Variants in RBSN observed in about 807,000 individuals in gnomAD.
RBSN encodes rabenosyn, RAB effector.
A neutral mutation model predicts 60.5 loss-of-function variants in RBSN; 34 were observed. The observed-to-expected ratio is 0.56, with a 90% confidence interval of 0.43 to 0.75. The LOEUF is 0.75. Among genes scored for constraint, RBSN ranks in the 30% least tolerant of loss-of-function variants. The pLI is 0.00. For missense variants in RBSN, 845 were observed against 986.8 expected, an observed-to-expected ratio of 0.86 and a Z score of 1.92; for synonymous variants, 322 against 366.9, an observed-to-expected ratio of 0.88 and a Z score of 1.40.
In RBSN at chr3:15,085,847, A is replaced by T. The variant is rs749960212; in HGVS notation, c.390+14T>A. The T allele has an allele frequency of 2.5e-6, 4 of 1,602,996 alleles. No individual in the cohort carries two copies. In the Admixed American group the frequency reaches 6.8e-5, roughly 27 times the overall value. On this transcript the variant is annotated intron_variant, in intron 6 of 13. Coordinates refer to ENST00000253699, the MANE Select transcript of RBSN (RefSeq NM_022340.4). Reference sequence around the variant, plus strand: ...TATTTGTAGAAAAAAATGTTTTAAGACAACAAAATTTACCTTCTCTAACCT... The same window carrying T: ...TATTTGTAGAAAAAAATGTTTTAAGTCAACAAAATTTACCTTCTCTAACCT...
In RBSN at chr3:15,074,407, G is replaced by T. The variant is rs747605722; in HGVS notation, c.1730C>A (p.Ser577Tyr). The change falls in exon 14 of 14, where the codon TCT becomes TAT. Residue 577 changes from serine (S) to tyrosine (Y), a missense_variant. By Grantham distance (144) the Ser-to-Tyr change is moderately radical (BLOSUM62 -2). Transcript: ENST00000253699. This position sits in a 1 kb window ranked among gnomAD's most constrained non-coding sequence, Gnocchi z 6.4. ...AGCTGTGCTGCTTGGAACTGGGGAA[G>T]AGCCTAGATCCAAAGCATAAGCAAG... ...THLAYALDLG[S>Y]SPVPSSTAPK... 18 of 1,614,036 alleles carry T rather than the reference G, an allele frequency of 1.1e-5. No homozygotes were observed. The highest frequency in any genetic ancestry group is 1.3e-5 in the Non-Finnish European group (15 of 1,180,020).
At chr3:15,089,479 A>AC (rs1553595703) in intron 5 of RBSN, among the ~76,000 whole-genome samples, 25 of 104,006 alleles carry the variant, frequency 2.4e-4, no homozygotes, top group African/African-American at 1.5e-3. Context: ...AAAAAAAAAC[A>AC]AAAAAAAAAA....
chr3:15,082,563 C>G lies in RBSN; in HGVS notation c.644G>C (p.Ser215Thr), dbSNP rs1575094810. The G allele has an allele frequency of 6.2e-7, 1 of 1,614,158 alleles. No individual in the cohort carries two copies. Among genetic ancestry groups the G allele is most frequent in the South Asian group, 1.1e-5 (1 of 91,086 alleles). Reference sequence around the variant, plus strand: ...GACACTGTTGGGTGACTGGCTGGGGCTGGTGTGGGTGCTCAGGGACTCCTT... The same window carrying G: ...GACACTGTTGGGTGACTGGCTGGGGGTGGTGTGGGTGCTCAGGGACTCCTT... ...ASKESLSTHT[S>T]PSQSPNSVHG... Residue 215 changes from serine (S) to threonine (T), a missense_variant, in exon 9 of 14, where the codon AGC (serine) becomes ACC (threonine). Ser to Thr is a moderately conservative substitution (Grantham distance 58, BLOSUM62 1). Coordinates refer to ENST00000253699, the MANE Select transcript of RBSN (RefSeq NM_022340.4). This position sits in a 1 kb window ranked among gnomAD's most constrained non-coding sequence, Gnocchi z 4.2.
chr3:15,077,943 T>C lies in RBSN; in HGVS notation c.998+132A>G, dbSNP rs2043094487. 2.7e-6 allele frequency: 2 copies of C among 746,778 alleles called. No individual in the cohort carries two copies. The highest frequency in any genetic ancestry group is 3.3e-5 in the South Asian group (2 of 60,120). The allele number at this position is 746,778 out of a possible 1,614,324, so 46.3% of individuals were successfully genotyped here. On this transcript the variant is annotated intron_variant, in intron 11 of 13. Coordinates refer to ENST00000253699, the MANE Select transcript of RBSN (RefSeq NM_022340.4). This position sits in a 1 kb window ranked among gnomAD's most constrained non-coding sequence, Gnocchi z 4.4. The stretch of plus-strand genomic sequence containing the variant: ...GCATTAAGTGCCAGAGCTGGCCCCT[T>C]CCTTGCCCTCCTCCTCACCCACTGC...
Position 15,077,158 on chromosome 3 carries a change from C to A in RBSN, c.1005G>T (p.Lys335Asn). 1.2e-6 allele frequency: 2 copies of A among 1,613,786 alleles called. No individual in the cohort carries two copies. The highest frequency in any genetic ancestry group is 1.7e-6 in the Non-Finnish European group (2 of 1,179,772). ...VYELIDALSK[K>N]ILTLGLNQDP... ...CCTGGTTCAAGCCCAAGGTTAAGAT[C>A]TTCTTACTGAATTGGAACAAACACA... Residue 335 changes from lysine (K) to asparagine (N), a missense_variant, in exon 12 of 14, where the codon AAG (lysine) becomes AAT (asparagine). Lys to Asn is a moderately conservative substitution (Grantham distance 94). Coordinates refer to ENST00000253699, the MANE Select transcript of RBSN (RefSeq NM_022340.4). The surrounding 1 kb of genome is among the most constrained non-coding windows in gnomAD (Gnocchi z 4.4).
At chr3:15,098,708 A>G (rs2043741437) in intron 1 of RBSN, among the ~76,000 whole-genome samples, 1 of 152,058 alleles carries the variant, frequency 6.6e-6, no homozygotes, top group African/African-American at 2.4e-5. Flanking sequence ...CACCACACAA[A>G]ACACTCCGAA....
Position 15,074,047 on chromosome 3 carries a change from G to A in RBSN, c.2090C>T (p.Pro697Leu). The change falls in exon 14 of 14, where the codon CCC becomes CTC. Residue 697 changes from proline to leucine, a missense_variant. Transcript: ENST00000253699. This position sits in a 1 kb window ranked among gnomAD's most constrained non-coding sequence, Gnocchi z 6.4. Reference protein sequence around the residue: ...PNPFSEEDEHPQQRLSSPLVP... With the variant: ...PNPFSEEDEHLQQRLSSPLVP... ...CAGAGGGCTTGAGAGCCTCTGCTGG[G>A]GATGTTCGTCTTCCTCACTGAAGGG... 2 of 1,614,090 alleles carry A rather than the reference G, an allele frequency of 1.2e-6. No individual in the cohort carries two copies. The highest frequency in any genetic ancestry group is 2.2e-5 in the East Asian group (1 of 44,880).
Position 15,073,910 on chromosome 3 carries a change from T to G in RBSN, c.2227A>C (p.Ile743Leu). Residue 743 changes from isoleucine (I) to leucine (L), a missense_variant, in exon 14 of 14, where the codon ATC (isoleucine) becomes CTC (leucine). Ile to Leu is a conservative substitution (Grantham distance 5). Transcript: ENST00000253699. ...PIEEELLLQQ[I>L]DNIKAYIFDA... ...AAGATGTATGCCTTGATGTTATCGA[T>G]CTGCTGCAGGAGGAGCTCTTCCTCT... 1 of 1,614,054 alleles carries G rather than the reference T, an allele frequency of 6.2e-7. No individual in the cohort carries two copies. The highest frequency in any genetic ancestry group is 8.5e-7 in the Non-Finnish European group (1 of 1,180,006).
At chr3:15,093,331 T>G (rs1157051884) in intron 4 of RBSN, among the ~76,000 whole-genome samples, 3 of 152,180 alleles carry the variant, frequency 2.0e-5, no homozygotes, top group African/African-American at 7.2e-5. Flanking sequence ...CCTTTCTAAC[T>G]AAAGACATGA....
At chr3:15,091,567 T>C (rs1484053023) in intron 4 of RBSN, 3 of 1,187,654 alleles carry the variant, frequency 2.5e-6, no homozygotes, top group South Asian at 1.3e-5. Context: ...AGCCATCGTA[T>C]GTACCAGGTA....
chr3:15,095,651 T>A (rs2043636476), intron 4 of RBSN: 1 of 475,264 alleles, frequency 2.1e-6, no homozygotes, highest in Non-Finnish European at 3.7e-6. Context: ...GGCTGGTGGT[T>A]AAAGAACAGT....
Position 15,082,423 on chromosome 3 carries a change from T to C in RBSN, c.784A>G (p.Arg262Gly), listed in dbSNP as rs1224055944. Residue 262 changes from arginine (R) to glycine (G), a missense_variant, in exon 9 of 14, where the codon AGA (arginine) becomes GGA (glycine). Coordinates refer to ENST00000253699, the MANE Select transcript of RBSN (RefSeq NM_022340.4). This position sits in a 1 kb window ranked among gnomAD's most constrained non-coding sequence, Gnocchi z 4.2. ...TCCTTCTCATCAATCTGCTGCTCTC[T>C]CTTGAGCAGCGTGTCCTTGCAGTGT... ...CTHCKDTLLK[R>G]EQQIDEKEHT... is the part of the protein sequence containing the mutation. 2 of 1,613,942 alleles carry C rather than the reference T, an allele frequency of 1.2e-6. No individual in the cohort carries two copies. The highest frequency in any genetic ancestry group is 1.7e-6 in the Non-Finnish European group (2 of 1,179,950).
chr3:15,078,262 A>C, intron 10 of RBSN, 101 bp from the exon 11 acceptor site: 4 of 932,238 alleles, frequency 4.3e-6, no homozygotes, highest in Non-Finnish European at 5.2e-6. Flanking sequence ...AAAGGCAGTT[A>C]ATTCTCTAAA....
Position 15,077,084 on chromosome 3 carries a change from T to C in RBSN, c.1079A>G (p.Tyr360Cys). ...SNLRLQRMIR[Y>C]SATLFVQEKL... Reference sequence around the variant, plus strand: ...TACCTGCACAAAAAGTGTAGCTGAGTATCTGATCATTCTCTGCAGCCGCAA... The same window carrying C: ...TACCTGCACAAAAAGTGTAGCTGAGCATCTGATCATTCTCTGCAGCCGCAA... The change falls in exon 12 of 14, where the codon TAC becomes TGC. Residue 360 changes from tyrosine (Y) to cysteine (C), a missense_variant. Transcript: ENST00000253699. This position sits in a 1 kb window ranked among gnomAD's most constrained non-coding sequence, Gnocchi z 4.4. 6.2e-7 allele frequency: 1 copy of C among 1,614,122 alleles called. No individual in the cohort carries two copies. The highest frequency in any genetic ancestry group is 1.1e-5 in the South Asian group (1 of 91,078).
rs1265345681 is a variant in RBSN at position 15,098,217 on chromosome 3, A to C, written c.-443T>G. The C allele has an allele frequency of 6.6e-6, 1 of 152,156 alleles. No homozygotes were observed. The highest frequency in any genetic ancestry group is 2.4e-5 in the African/African-American group (1 of 41,404). 9.4% of individuals were successfully genotyped at this position (152,156 alleles called of 1,614,324 possible). ...ACCAAGTAAGACTGTAAAATCTGGGAGGGCACAGACTCTATATGTTTTCCA... is the reference window on the plus strand; with the variant it reads ...ACCAAGTAAGACTGTAAAATCTGGGCGGGCACAGACTCTATATGTTTTCCA... On this transcript the variant is annotated 5_prime_UTR_variant, in exon 2 of 14. Transcript: ENST00000253699.
chr3:15,081,547 T>C (rs1224518217), intron 9 of RBSN: 2 of 152,306 alleles, frequency 1.3e-5, no homozygotes, highest in African/African-American at 2.4e-5. Context: ...TGGGGCTTAA[T>C]TGACACCATT....
At chr3:15,095,823 C>A in intron 4 of RBSN, 150 bp downstream of exon 4, 1 of 998,482 alleles carries the variant, frequency 1.0e-6, no homozygotes, top group Non-Finnish European at 1.5e-6. Context: ...CAGGGAAACT[C>A]TGAAAACGCC....
Position 15,072,500 on chromosome 3 carries a change from CTG to C in RBSN, c.*1280_*1281del, listed in dbSNP as rs1422917463. ...AATTATTTTAATTTAGCTTCTGACT[CTG>C]GGAAGCTTCCCTTCTTCTGGTGATG... On this transcript the variant is annotated 3_prime_UTR_variant, in exon 14 of 14. Coordinates refer to ENST00000253699, the MANE Select transcript of RBSN (RefSeq NM_022340.4). 3 of 152,246 alleles carry C rather than the reference CTG, an allele frequency of 2.0e-5. No individual in the cohort carries two copies. Among genetic ancestry groups the C allele is most frequent in the African/African-American group, 7.2e-5 (3 of 41,464 alleles). 9.4% of individuals were successfully genotyped at this position (152,246 alleles called of 1,614,324 possible). A position where few individuals can be genotyped will look rare whatever the true frequency, so the allele number is the denominator to read the frequency against.
chr3:15,097,028 T>A (rs1281445114), intron 2 of RBSN, among the ~76,000 whole-genome samples: 3 of 152,006 alleles, frequency 2.0e-5, no homozygotes. Flanking sequence ...CCCAGCTAGT[T>A]TTTAAATTAT....
Sources: allele counts gnomAD v4.1 joint callset (sites outside exome capture counted in the v4.1 genomes callset), GRCh38; gene constraint gnomAD v4.1.1; non-coding constraint Gnocchi (gnomAD v3.1); transcripts MANE v1.5; gene names NCBI Gene and HGNC (gene_info 2026-07-23, HGNC 2026-07-21).